The following EMCN variants were observed in gnomAD, a reference collection of about 807,000 sequenced individuals.
EMCN encodes MUC-14.
A neutral mutation model predicts 38.4 loss-of-function variants in EMCN; 37 were observed. That is an observed-to-expected ratio of 0.96 (90% confidence interval 0.74 to 1.27). The LOEUF (loss-of-function observed/expected upper bound fraction) is 1.27, where lower values mean the gene tolerates loss of function less well. Among genes scored for constraint, EMCN ranks in the 50% most tolerant of loss-of-function variants. The pLI is 0.00. For missense variants in EMCN, 318 were observed against 302.8 expected, an observed-to-expected ratio of 1.05 and a Z score of -0.37; for synonymous variants, 95 against 100.8, an observed-to-expected ratio of 0.94 and a Z score of 0.35.
chr4:100,410,186 C>T (rs67832221), intron 11 of EMCN, 96 bp downstream of exon 11: 199,662 of 884,130 alleles, frequency 0.23, 34,782 homozygotes, highest in East Asian at 0.81. Context: ...CATTAGCTTT[C>T]CAGCTTTTGA....
At chr4:100,514,113 C>T (rs1005546079) in intron 1 of EMCN, among the ~76,000 whole-genome samples, 7 of 152,074 alleles carry the variant, frequency 4.6e-5, no homozygotes, top group African/African-American at 1.4e-4. Flanking sequence ...CTCAACATCA[C>T]CTCTGGCTCC....
chr4:100,430,449 A>T (rs772763528), intron 5 of EMCN, among the ~76,000 whole-genome samples: 5 of 152,188 alleles, frequency 3.3e-5, no homozygotes, highest in Middle Eastern at 3.2e-3. Flanking sequence ...TTATCAAAAC[A>T]AGCTAAACAC....
At chr4:100,444,987 C>G (rs1210391997) in intron 5 of EMCN, among the ~76,000 whole-genome samples, 1 of 152,058 alleles carries the variant, frequency 6.6e-6, no homozygotes, top group Non-Finnish European at 1.5e-5. Context: ...TCTTGCTTAC[C>G]TTTTTCCTGC....
intron 5 of EMCN, chr4:100,446,009 G>T: frequency 1.1e-6 from 1 of 913,568 alleles, no homozygotes; most frequent in Non-Finnish European, 1.3e-6. Context: ...TAAACTTATA[G>T]CTGGCATTTT....
chr4:100,512,602 C>A (rs564399929), intron 1 of EMCN, among the ~76,000 whole-genome samples: 1 of 151,802 alleles, frequency 6.6e-6, no homozygotes, highest in Non-Finnish European at 1.5e-5. Flanking sequence ...GTCAGGAGTT[C>A]GCAACCAGTC....
intron 5 of EMCN, among the ~76,000 whole-genome samples, chr4:100,446,551 A>G (rs1356215839): frequency 6.6e-6 from 1 of 152,036 alleles, no homozygotes; most frequent in Non-Finnish European, 1.5e-5. Flanking sequence ...TTATGAACCT[A>G]TAGGTTTATT....
chr4:100,409,992 G>C (rs1726504578), intron 11 of EMCN, among the ~76,000 whole-genome samples: 1 of 152,152 alleles, frequency 6.6e-6, no homozygotes, highest in Non-Finnish European at 1.5e-5. Context: ...TACTGACCTA[G>C]GTAGGCAGAC....
intron 5 of EMCN, among the ~76,000 whole-genome samples, chr4:100,428,419 TC>T (rs1222797606): frequency 6.6e-6 from 1 of 152,162 alleles, no homozygotes; most frequent in Non-Finnish European, 1.5e-5. Flanking sequence ...GATCCCTTCC[TC>T]CTCTATTGCT....
chr4:100,503,537 C>T (rs1729403557), intron 1 of EMCN, among the ~76,000 whole-genome samples: 1 of 151,922 alleles, frequency 6.6e-6, no homozygotes, highest in Admixed American at 6.6e-5. Context: ...TTTTCCATTT[C>T]ATTAGTTTTG....
At chr4:100,504,537 G>A (rs191635200) in intron 1 of EMCN, among the ~76,000 whole-genome samples, 12 of 152,104 alleles carry the variant, frequency 7.9e-5, no homozygotes, top group South Asian at 4.2e-4. Flanking sequence ...AATAATCCTC[G>A]CTCTATAATC....
chr4:100,409,215 ATTTATTTTAT>A (rs3836625), intron 11 of EMCN, among the ~76,000 whole-genome samples: 16 of 151,634 alleles, frequency 1.1e-4, no homozygotes, highest in Non-Finnish European at 1.5e-5. Context: ...CTGGACACGT[ATTTATTTTAT>A]TTTATTTTAT....
chr4:100,502,374 C>A (rs1223236314), intron 1 of EMCN, among the ~76,000 whole-genome samples: 1 of 152,052 alleles, frequency 6.6e-6, no homozygotes, highest in Non-Finnish European at 1.5e-5. Flanking sequence ...TGCAAGCTTG[C>A]ATATCTATGC....
At chr4:100,419,226 G>A (rs13150010) in intron 8 of EMCN, among the ~76,000 whole-genome samples, 14,448 of 151,932 alleles carry the variant, frequency 0.095, 824 homozygotes, top group South Asian at 0.14. Flanking sequence ...CATTTCTTAC[G>A]GAAATCTCTG....
chr4:100,513,261 G>C (rs1459658633), intron 1 of EMCN, among the ~76,000 whole-genome samples: 1 of 152,112 alleles, frequency 6.6e-6, no homozygotes, highest in Non-Finnish European at 1.5e-5. Flanking sequence ...ATTTGGATTT[G>C]TTCTATATTG....
chr4:100,413,737 AT>A (rs1486484757), intron 10 of EMCN, among the ~76,000 whole-genome samples: 1 of 152,220 alleles, frequency 6.6e-6, no homozygotes, highest in East Asian at 1.9e-4. Flanking sequence ...TTGAGAGGTT[AT>A]TTTGGTAAAA....
intron 5 of EMCN, chr4:100,446,096 C>T (rs1389218727): frequency 1.0e-6 from 1 of 985,198 alleles, no homozygotes; most frequent in Non-Finnish European, 1.2e-6. Context: ...TGGCTGCTTC[C>T]CAATTCTTCA....
At chr4:100,398,596 A>C (rs1726173560) in intron 11 of EMCN, among the ~76,000 whole-genome samples, 1 of 151,826 alleles carries the variant, frequency 6.6e-6, no homozygotes, top group Non-Finnish European at 1.5e-5. Flanking sequence ...TGTTCCCCTC[A>C]CTTCACAATC....
intron 5 of EMCN, among the ~76,000 whole-genome samples, chr4:100,439,557 C>A (rs1727452920): frequency 6.8e-6 from 1 of 146,876 alleles, no homozygotes; most frequent in Non-Finnish European, 1.5e-5. Flanking sequence ...AAGGTTTATC[C>A]ATTTTTTTTT....
intron 8 of EMCN, among the ~76,000 whole-genome samples, chr4:100,419,035 G>T (rs75579052): frequency 1.6e-3 from 240 of 151,850 alleles, no homozygotes; most frequent in Non-Finnish European, 2.7e-3. Flanking sequence ...CCTTTTCTCC[G>T]CATTCTCTCC....
Sources: allele counts gnomAD v4.1 joint callset (sites outside exome capture counted in the v4.1 genomes callset), GRCh38; gene constraint gnomAD v4.1.1; transcripts MANE v1.5; gene names NCBI Gene and HGNC (gene_info 2026-07-23, HGNC 2026-07-21).